CD200R1: variants seen among roughly 807,000 people sequenced by gnomAD.
CD200R1 encodes the protein CD200 receptor 1.
In CD200R1, 30 loss-of-function variants were observed where a neutral mutation model predicts 38.1. The observed-to-expected ratio is 0.79, with a 90% CI of 0.59 to 1.07. The LOEUF (loss-of-function observed/expected upper bound fraction) is 1.07, where lower values mean the gene tolerates loss of function less well. Ranked by LOEUF, CD200R1 falls within the 50% of genes least tolerant of loss-of-function variation. The pLI is 0.00. For missense variants in CD200R1, 372 were observed against 415.4 expected (o/e 0.90, Z 0.91); for synonymous variants, 128 against 152.1 (o/e 0.84, Z 1.16).
intron 2 of CD200R1, among the ~76,000 whole-genome samples, chr3:112,940,866 C>T (rs1385029762): frequency 6.6e-6 from 1 of 151,718 alleles, no homozygotes; most frequent in Non-Finnish European, 1.5e-5. Flanking sequence ...ATGTTTATTA[C>T]AGCAATATTC....
At position 112,945,150 on chromosome 3, in the gene CD200R1, A is replaced by G. The variant is rs537313860; in HGVS notation, c.136+2706T>C. On this transcript the variant is annotated intron_variant, in intron 2 of 7. Coordinates refer to ENST00000308611, the MANE Select transcript of CD200R1 (RefSeq NM_138806.4). ...ATTACCAAAGTCCCAGTTTTTCCCA[A>G]CTTGATCTATGTATTCAACACAATC... is the stretch of plus-strand genomic sequence containing the variant. 5.9e-5 allele frequency among the ~76,000 whole-genome samples: 9 copies of G among 152,320 alleles called. No homozygotes were observed. The East Asian group carries it at 7.7e-4, about 13-fold the overall frequency.
intron 7 of CD200R1, 26 bp from the exon 8 acceptor site, chr3:112,923,825 C>A (rs1265516939): frequency 7.0e-7 from 1 of 1,426,690 alleles, no homozygotes; most frequent in South Asian, 1.2e-5. Context: ...AAGTTAAAAT[C>A]AATTCAAAAA....
intron 3 of CD200R1, among the ~76,000 whole-genome samples, chr3:112,930,766 C>T (rs7652504): frequency 0.59 from 89,393 of 152,088 alleles, 26,691 homozygotes; most frequent in African/African-American, 0.69. Context: ...CTGTCTCTTA[C>T]ATGGTTTGTA....
At chr3:112,934,230 C>T (rs982153261) in intron 2 of CD200R1, among the ~76,000 whole-genome samples, 7 of 151,902 alleles carry the variant, frequency 4.6e-5, no homozygotes, top group Admixed American at 1.3e-4. Flanking sequence ...GATAAAAACA[C>T]GCAAGAGAAA....
intron 2 of CD200R1, among the ~76,000 whole-genome samples, chr3:112,931,831 G>A (rs1056156398): frequency 6.6e-6 from 1 of 152,046 alleles, no homozygotes; most frequent in African/African-American, 2.4e-5. Flanking sequence ...GTGCAGAAAA[G>A]TAGTGGAGAG....
chr3:112,950,804 C>T (rs1001431087), intron 1 of CD200R1, among the ~76,000 whole-genome samples: 7 of 152,086 alleles, frequency 4.6e-5, no homozygotes, highest in African/African-American at 1.4e-4. Flanking sequence ...ATCAAACACA[C>T]GTCTAAGCAA....
At chr3:112,936,052 T>C (rs572313945) in intron 2 of CD200R1, among the ~76,000 whole-genome samples, 2 of 152,290 alleles carry the variant, frequency 1.3e-5, no homozygotes, top group South Asian at 4.1e-4. Context: ...AATGCACTGT[T>C]TGGTTTTCTG....
At chr3:112,942,965 G>T (rs180880771) in intron 2 of CD200R1, among the ~76,000 whole-genome samples, 2 of 151,660 alleles carry the variant, frequency 1.3e-5, no homozygotes, top group East Asian at 3.9e-4. Flanking sequence ...AGCAAAAGAG[G>T]ATCAAAATAT....
intron 1 of CD200R1, among the ~76,000 whole-genome samples, chr3:112,949,084 G>A (rs908361829): frequency 6.6e-6 from 1 of 152,166 alleles, no homozygotes; most frequent in African/African-American, 2.4e-5. Flanking sequence ...AAGGGAAAAT[G>A]CAAACAAAAA....
At chr3:112,960,315 C>T (rs1460875537) in intron 1 of CD200R1, among the ~76,000 whole-genome samples, 5 of 152,072 alleles carry the variant, frequency 3.3e-5, no homozygotes, top group African/African-American at 1.2e-4. Flanking sequence ...CTCTCTCCTT[C>T]ACATGTCTCA....
intron 1 of CD200R1, among the ~76,000 whole-genome samples, chr3:112,967,894 A>T (rs1179969093): frequency 6.6e-6 from 1 of 152,210 alleles, no homozygotes; most frequent in Non-Finnish European, 1.5e-5. Flanking sequence ...GCAATCCCAC[A>T]TACACACTTG....
At chr3:112,967,924 A>G (rs1933208352) in intron 1 of CD200R1, among the ~76,000 whole-genome samples, 1 of 152,216 alleles carries the variant, frequency 6.6e-6, no homozygotes, top group African/African-American at 2.4e-5. Flanking sequence ...TGCCCCATGT[A>G]TAAAATGAAA....
chr3:112,930,883 G>A (rs774455509), intron 3 of CD200R1, among the ~76,000 whole-genome samples: 3 of 152,116 alleles, frequency 2.0e-5, no homozygotes, highest in Non-Finnish European at 2.9e-5. Context: ...TGCTCCTTCC[G>A]CCACTCCACC....
At chr3:112,965,583 A>G (rs1055023659) in intron 1 of CD200R1, among the ~76,000 whole-genome samples, 7 of 152,148 alleles carry the variant, frequency 4.6e-5, no homozygotes, top group Non-Finnish European at 7.4e-5. Flanking sequence ...CAACATGATG[A>G]AACTCCGTCT....
chr3:112,929,317 G>T lies in CD200R1; in HGVS notation c.393C>A (p.Val131=). 1 of 1,614,138 alleles carries T rather than the reference G, an allele frequency of 6.2e-7. No individual in the cohort carries two copies. The highest frequency in any genetic ancestry group is 8.5e-7 in the Non-Finnish European group (1 of 1,179,994). Reference sequence around the variant, plus strand: ...GGTCCGAATTCTGATCAGGTCTGGAGACCCAGGTTATTCTCTCATCAGTAC... The same window carrying T: ...GGTCCGAATTCTGATCAGGTCTGGATACCCAGGTTATTCTCTCATCAGTAC... ...TNCTDERITW[V]SRPDQNSDLQ... The change falls in exon 4 of 8, where the codon GTC becomes GTA. Residue 131 remains valine (V), a synonymous_variant. Coordinates refer to ENST00000308611, the MANE Select transcript of CD200R1 (RefSeq NM_138806.4).
chr3:112,955,403 T>C (rs1290606389), intron 1 of CD200R1, among the ~76,000 whole-genome samples: 1 of 152,186 alleles, frequency 6.6e-6, no homozygotes. Flanking sequence ...GATTTTTATA[T>C]TTAGGTGCTT....
intron 1 of CD200R1, among the ~76,000 whole-genome samples, chr3:112,965,105 T>C (rs908992585): frequency 6.6e-6 from 1 of 152,212 alleles, no homozygotes; most frequent in Non-Finnish European, 1.5e-5. Flanking sequence ...AGGTATGTCT[T>C]TATCAGCAGT....
At chr3:112,948,782 A>G (rs763854850) in intron 1 of CD200R1, among the ~76,000 whole-genome samples, 1 of 152,198 alleles carries the variant, frequency 6.6e-6, no homozygotes, top group Non-Finnish European at 1.5e-5. Flanking sequence ...GGTAGTACAC[A>G]TCTTTTAAGC....
chr3:112,951,832 C>T (rs1216209011), intron 1 of CD200R1, among the ~76,000 whole-genome samples: 3 of 148,860 alleles, frequency 2.0e-5, no homozygotes, highest in East Asian at 2.0e-4. Context: ...TTGTGTAAGA[C>T]CTGTATACTG....
Sources: gnomAD v4.1 joint callset for allele counts (sites outside exome capture counted in the v4.1 genomes callset) on GRCh38, gnomAD v4.1.1 for gene constraint, MANE v1.5 for transcripts, NCBI Gene and HGNC (gene_info 2026-07-23, HGNC 2026-07-21) for gene names.